The following FNDC3A variants were observed in gnomAD, a reference collection of about 807,000 sequenced individuals.
FNDC3A encodes the protein fibronectin type-III domain-containing protein 3A.
Under a neutral mutation model 148.9 loss-of-function variants are expected in FNDC3A, and 32 were observed. That is an observed-to-expected ratio of 0.21 (90% CI 0.16 to 0.29). The LOEUF is 0.29. Among genes scored for constraint, FNDC3A ranks in the 10% least tolerant of loss-of-function variants. The pLI, the probability that FNDC3A is intolerant of heterozygous loss-of-function variation, is 1.00. For synonymous variants in FNDC3A, 472 were observed against 473.6 expected, an observed-to-expected ratio of 1.00 and a Z score of 0.04; for missense variants, 1,191 against 1,452.8, an observed-to-expected ratio of 0.82 and a Z score of 2.93.
chr13:48,996,949 G>C (rs1032048729), intron 1 of FNDC3A, among the ~76,000 whole-genome samples: 15 of 152,086 alleles, frequency 9.9e-5, no homozygotes, highest in South Asian at 4.2e-4. Flanking sequence ...TGTAATCCCA[G>C]CTACTCGGGA....
chr13:49,152,449 G>A (rs995000127), intron 8 of FNDC3A, among the ~76,000 whole-genome samples: 7 of 151,402 alleles, frequency 4.6e-5, no homozygotes, highest in African/African-American at 1.7e-4. Flanking sequence ...TTTGTTTTAA[G>A]TTCTTTGTAG....
In FNDC3A at chr13:49,171,636, C is replaced by T. The variant is rs970769350; in HGVS notation, c.1177-407C>T. 3.3e-5 allele frequency among the ~76,000 whole-genome samples: 5 copies of T among 152,122 alleles called. No individual in the cohort carries two copies. In the South Asian group the frequency reaches 1.0e-3, roughly 31 times the overall value. The stretch of plus-strand genomic sequence containing the variant: ...TGCCCTCTCAGAGCTCCTTTCAGCA[C>T]CCTGGTTCTTCACTCTTTGGTATTT... On this transcript the variant is annotated intron_variant, in intron 10 of 25. Coordinates refer to ENST00000492622, the MANE Select transcript of FNDC3A (RefSeq NM_001079673.2).
chr13:49,064,411 C>CAAAA (rs1555286178), intron 2 of FNDC3A, among the ~76,000 whole-genome samples: 1 of 90,060 alleles, frequency 1.1e-5, no homozygotes. Flanking sequence ...GCCCCCCCCC[C>CAAAA]AAAAAAAAAA....
intron 2 of FNDC3A, among the ~76,000 whole-genome samples, chr13:49,034,724 A>T (rs759073627): frequency 6.6e-5 from 10 of 152,066 alleles, no homozygotes; most frequent in Non-Finnish European, 2.9e-5. Context: ...TTTTATTAAA[A>T]AGATAAATTA....
intron 23 of FNDC3A, 37 bp from the exon 24 acceptor site, chr13:49,201,763 T>C: frequency 2.0e-6 from 2 of 1,022,912 alleles, no homozygotes; most frequent in East Asian, 2.8e-5. Context: ...TATCATAAGG[T>C]AGTATAAGGT....
chr13:49,043,692 A>G (rs1875132648), intron 2 of FNDC3A, among the ~76,000 whole-genome samples: 1 of 151,916 alleles, frequency 6.6e-6, no homozygotes, highest in African/African-American at 2.4e-5. Flanking sequence ...CTTAAGGTTT[A>G]TTTATACTAA....
intron 2 of FNDC3A, among the ~76,000 whole-genome samples, chr13:49,060,853 GTGAC>G (rs1876632797): frequency 6.6e-6 from 1 of 152,056 alleles, no homozygotes; most frequent in African/African-American, 2.4e-5. Flanking sequence ...AGAATGTAGA[GTGAC>G]TGCTTAATAG....
intron 1 of FNDC3A, among the ~76,000 whole-genome samples, chr13:48,989,614 CAAT>C (rs1951872102): frequency 6.6e-6 from 1 of 151,840 alleles, no homozygotes; most frequent in Non-Finnish European, 1.5e-5. Context: ...AATTTGGAGA[CAAT>C]AACTGAAAAA....
intron 2 of FNDC3A, 60 bp from the exon 3 acceptor site, chr13:49,075,229 T>A: frequency 1.0e-6 from 1 of 1,003,624 alleles, no homozygotes; most frequent in Non-Finnish European, 1.6e-6. Flanking sequence ...CTGTTACTAT[T>A]TTTATATTCT....
chr13:48,985,338 T>G (rs1392221787), intron 1 of FNDC3A, among the ~76,000 whole-genome samples: 2 of 152,236 alleles, frequency 1.3e-5, no homozygotes, highest in African/African-American at 2.4e-5. Context: ...GAGAAAAGTT[T>G]GGCAGTATCT....
intron 1 of FNDC3A, among the ~76,000 whole-genome samples, chr13:48,989,509 C>T (rs926408340): frequency 2.6e-5 from 4 of 152,134 alleles, no homozygotes; most frequent in Non-Finnish European, 5.9e-5. Context: ...AGACATACTA[C>T]ATTAATGGCA....
chr13:48,998,500 C>T (rs532679846), intron 1 of FNDC3A, among the ~76,000 whole-genome samples: 7 of 152,064 alleles, frequency 4.6e-5, no homozygotes, highest in East Asian at 1.9e-4. Context: ...AAATGAATTT[C>T]GTGTTTAGAC....
chr13:49,056,929 T>C (rs905320151), intron 2 of FNDC3A, among the ~76,000 whole-genome samples: 4 of 152,230 alleles, frequency 2.6e-5, no homozygotes, highest in African/African-American at 9.6e-5. Context: ...ACAGTTTGTT[T>C]TGTCTTTTAT....
At chr13:48,987,090 A>G (rs1951821257) in intron 1 of FNDC3A, among the ~76,000 whole-genome samples, 1 of 152,248 alleles carries the variant, frequency 6.6e-6, no homozygotes, top group African/African-American at 2.4e-5. Flanking sequence ...TACAAGAGCA[A>G]AGTTAACAAT....
At chr13:49,016,400 T>G (rs1189545531) in intron 2 of FNDC3A, among the ~76,000 whole-genome samples, 6 of 152,180 alleles carry the variant, frequency 3.9e-5, no homozygotes, top group Non-Finnish European at 8.8e-5. Flanking sequence ...TAGAGGTGTT[T>G]GTAGTATTCT....
At chr13:49,127,336 C>T (rs188737011) in intron 4 of FNDC3A, among the ~76,000 whole-genome samples, 1 of 152,318 alleles carries the variant, frequency 6.6e-6, no homozygotes, top group Admixed American at 6.5e-5. Flanking sequence ...CACCCTATTT[C>T]TGTATTCCCC....
chr13:49,200,061 C>T (rs1350572951), intron 23 of FNDC3A, among the ~76,000 whole-genome samples: 2 of 152,208 alleles, frequency 1.3e-5, no homozygotes, highest in East Asian at 3.8e-4. Flanking sequence ...ATACCTCCCA[C>T]AGCTGTTAAT....
intron 25 of FNDC3A, among the ~76,000 whole-genome samples, chr13:49,206,595 A>AT (rs1016268010): frequency 2.0e-5 from 3 of 152,130 alleles, no homozygotes; most frequent in Non-Finnish European, 4.4e-5. Flanking sequence ...TTATACAGTG[A>AT]TTTGCCATAG....
intron 2 of FNDC3A, among the ~76,000 whole-genome samples, chr13:49,010,594 TC>T (rs1295304045): frequency 6.6e-6 from 1 of 152,188 alleles, no homozygotes; most frequent in Non-Finnish European, 1.5e-5. Flanking sequence ...CTGTTTTAAA[TC>T]ATGAAGTATA....
Sources: gnomAD v4.1 joint callset for allele counts (sites outside exome capture counted in the v4.1 genomes callset) on GRCh38, gnomAD v4.1.1 for gene constraint, MANE v1.5 for transcripts, NCBI Gene and HGNC (gene_info 2026-07-23, HGNC 2026-07-21) for gene names.